The following TMF1 variants were observed in gnomAD, a reference collection of about 807,000 sequenced individuals.
TMF1 encodes TATA element modulatory factor 1.
A neutral mutation model predicts 126.5 loss-of-function variants in TMF1; 71 were observed. The ratio of observed to expected loss-of-function variants is 0.56; its 90% CI spans 0.46 to 0.68. The LOEUF is 0.68. Among genes scored for constraint, TMF1 ranks in the 30% least tolerant of loss-of-function variants. TMF1 has a pLI of 0.00. For synonymous variants in TMF1, 461 were observed against 430.5 expected (o/e 1.07, Z -0.88); for missense variants, 1,259 against 1,253.2 (o/e 1.00, Z -0.07).
intron 2 of TMF1, among the ~76,000 whole-genome samples, chr3:69,045,613 CTACAAAAAA>C (rs1190438185): frequency 1.3e-5 from 2 of 151,916 alleles, no homozygotes; most frequent in Non-Finnish European, 2.9e-5. Flanking sequence ...AACCCCATCT[CTACAAAAAA>C]TACAAAAATT....
Position 69,044,523 on chromosome 3 carries a change from G to A in TMF1, c.1420C>T (p.Leu474Phe). The change falls in exon 3 of 17, where the codon CTT becomes TTT. Residue 474 changes from leucine (L) to phenylalanine (F), a missense_variant. Leu to Phe is a conservative substitution (Grantham distance 22). Transcript: ENST00000398559. ...QLLSLSKEKA[L>F]LEEAFDNLKD... Reference sequence around the variant, plus strand: ...AGGTTATCAAAAGCTTCTTCTAGAAGTGCTTTTTCCTTACTAAGAGATAAT... The same window carrying A: ...AGGTTATCAAAAGCTTCTTCTAGAAATGCTTTTTCCTTACTAAGAGATAAT... 6.3e-7 allele frequency: 1 copy of A among 1,598,374 alleles called. No individual in the cohort carries two copies. Among genetic ancestry groups the A allele is most frequent in the Middle Eastern group, 1.7e-4 (1 of 5,906 alleles).
intron 1 of TMF1, among the ~76,000 whole-genome samples, chr3:69,051,331 C>T (rs559855913): frequency 7.2e-5 from 11 of 152,056 alleles, no homozygotes; most frequent in African/African-American, 1.9e-4. Context: ...AAAAAGTTGC[C>T]GGGCGTGGTG....
At chr3:69,030,414 T>A (rs2091792816) in intron 10 of TMF1, 1 of 153,582 alleles carries the variant, frequency 6.5e-6, no homozygotes, top group Non-Finnish European at 1.4e-5. Flanking sequence ...GAGGAGAAAG[T>A]CTTCAGGATC....
chr3:69,039,450 T>C (rs755477058), intron 6 of TMF1, 101 bp downstream of exon 6: 189 of 1,279,758 alleles, frequency 1.5e-4, no homozygotes, highest in Admixed American at 6.0e-4. Flanking sequence ...TCTTACATGA[T>C]ATACCCCATT....
chr3:69,025,075 C>G (rs1472913682), intron 15 of TMF1: 1 of 152,382 alleles, frequency 6.6e-6, no homozygotes, highest in Non-Finnish European at 1.5e-5. Context: ...ATGTTGTTTC[C>G]TCCCATGTAC....
At chr3:69,047,139 TG>T (rs1209705747) in intron 2 of TMF1, among the ~76,000 whole-genome samples, 1 of 152,234 alleles carries the variant, frequency 6.6e-6, no homozygotes, top group Non-Finnish European at 1.5e-5. Flanking sequence ...TTAACTGTAT[TG>T]AAGTATCAAC....
intron 15 of TMF1, chr3:69,025,066 T>A (rs938587091): frequency 2.0e-5 from 3 of 152,382 alleles, no homozygotes; most frequent in African/African-American, 7.2e-5. Flanking sequence ...CAACAACTCA[T>A]GTTGTTTCCT....
At chr3:69,029,106 T>C (rs1353466694) in intron 11 of TMF1, among the ~76,000 whole-genome samples, 1 of 151,966 alleles carries the variant, frequency 6.6e-6, no homozygotes, top group East Asian at 1.9e-4. Flanking sequence ...TGGTGCAATC[T>C]CACTGCAACC....
At chr3:69,026,675 G>A (rs1217794943) in intron 13 of TMF1, among the ~76,000 whole-genome samples, 1 of 148,648 alleles carries the variant, frequency 6.7e-6, no homozygotes, top group Non-Finnish European at 1.5e-5. Flanking sequence ...ACTGTAGCTA[G>A]ACTTGGTTAG....
At chr3:69,029,593 A>G (rs926195409) in intron 11 of TMF1, among the ~76,000 whole-genome samples, 6 of 151,588 alleles carry the variant, frequency 4.0e-5, no homozygotes, top group Admixed American at 2.6e-4. Flanking sequence ...ACAGGCGCAC[A>G]CCATCACACC....
At position 69,052,281 on chromosome 3, in the gene TMF1, G is replaced by A. The variant is rs554863042; in HGVS notation, c.-195C>T. 9 of 501,358 alleles carry A rather than the reference G, an allele frequency of 1.8e-5. No homozygotes were observed. The South Asian group carries it at 1.8e-4, about 10-fold the overall frequency. The allele number at this position is 501,358 out of a possible 1,614,324, so 31.1% of individuals were successfully genotyped here. On this transcript the variant is annotated 5_prime_UTR_variant, in exon 1 of 17. Transcript: ENST00000398559. The stretch of plus-strand genomic sequence containing the variant: ...GTTCCCGCACAGCTGAGACGAAGGG[G>A]GCCCATGTGCGCATGCGCTTGCTTC...
rs1348841251 is a variant in TMF1 at position 69,029,802 on chromosome 3, A to G, written c.2594+13T>C. ...CGGAACTACCAAAAATATCACTCAG[A>G]AACCATGCTCACCTATTGTTCTCAT... On this transcript the variant is annotated intron_variant, in intron 11 of 16. Coordinates refer to ENST00000398559, the MANE Select transcript of TMF1 (RefSeq NM_007114.3). 3.8e-6 allele frequency: 6 copies of G among 1,592,020 alleles called. No homozygotes were observed. In the African/African-American group the frequency reaches 8.1e-5, roughly 22 times the overall value.
chr3:69,035,013 G>A lies in TMF1; in HGVS notation c.2244+10C>T, dbSNP rs2091824454. The A allele has an allele frequency of 6.2e-7, 1 of 1,611,446 alleles. No individual in the cohort carries two copies. Among genetic ancestry groups the A allele is most frequent in the Non-Finnish European group, 8.5e-7 (1 of 1,177,652 alleles). On this transcript the variant is annotated intron_variant, in intron 9 of 16. Coordinates refer to ENST00000398559, the MANE Select transcript of TMF1 (RefSeq NM_007114.3). ...TCTTGGATTTGTGTTTTGGAAACCT[G>A]TGACAGTACCTGCTGAAGTTCACCG...
chr3:69,043,664 T>A (rs1009617572), intron 4 of TMF1, 86 bp downstream of exon 4: 12 of 1,275,488 alleles, frequency 9.4e-6, no homozygotes, highest in East Asian at 7.4e-5. Context: ...CTTCTCTTTT[T>A]TCCAATATCA....
intron 10 of TMF1, 22 bp downstream of exon 10, chr3:69,033,526 G>A: frequency 6.2e-7 from 1 of 1,601,348 alleles, no homozygotes. Context: ...TCTGCATCGA[G>A]CATAAAAACT....
At chr3:69,051,869 C>T (rs2091931873) in intron 1 of TMF1, 76 bp downstream of exon 1, 3 of 1,543,766 alleles carry the variant, frequency 1.9e-6, no homozygotes, top group Non-Finnish European at 2.6e-6. Context: ...GGACCCCTCT[C>T]TACACCACTT....
At chr3:69,039,522 A>G (rs776167537) in intron 6 of TMF1, 29 bp downstream of exon 6, 8 of 1,601,192 alleles carry the variant, frequency 5.0e-6, no homozygotes, top group Non-Finnish European at 6.8e-6. Flanking sequence ...ATAACAATAT[A>G]TATGTAGAGA....
In TMF1 at chr3:69,029,890, T is replaced by C. The variant is rs370063861; in HGVS notation, c.2519A>G (p.Gln840Arg). ...SMESQNSLLRQENSRFQAQLE... is the reference protein window; with the variant it reads ...SMESQNSLLRRENSRFQAQLE... ...CTGGGCTTGAAATCTACTGTTTTCC[T>C]GTCTTAAAAGAGAATTCTGTGACTC... Residue 840 changes from glutamine (Q) to arginine (R), a missense_variant, in exon 11 of 17, where the codon CAG becomes CGG. Coordinates refer to ENST00000398559, the MANE Select transcript of TMF1 (RefSeq NM_007114.3). 3.0e-5 allele frequency: 49 copies of C among 1,614,070 alleles called. No homozygotes were observed. Among genetic ancestry groups the C allele is most frequent in the Non-Finnish European group, 4.1e-5 (48 of 1,180,018 alleles).
intron 2 of TMF1, 47 bp from the exon 3 acceptor site, chr3:69,044,642 A>T (rs1426955192): frequency 3.1e-6 from 4 of 1,303,378 alleles, no homozygotes. Flanking sequence ...GCTTTAAAAA[A>T]GACCATTTTT....
Sources: gnomAD v4.1 joint callset for allele counts (sites outside exome capture counted in the v4.1 genomes callset) on GRCh38, gnomAD v4.1.1 for gene constraint, MANE v1.5 for transcripts, NCBI Gene and HGNC (gene_info 2026-07-23, HGNC 2026-07-21) for gene names.